Variants in CSMD3 observed in about 807,000 individuals in gnomAD.
CSMD3 encodes the protein CUB and sushi domain-containing protein 3.
In CSMD3, 177 loss-of-function variants were observed where a neutral mutation model predicts 435.2. The ratio of observed to expected loss-of-function variants is 0.41; its 90% CI spans 0.36 to 0.46. The LOEUF is 0.46. Ranked by LOEUF, CSMD3 falls within the 20% of genes least tolerant of loss-of-function variation. The probability of loss-of-function intolerance (pLI) is 0.34; values close to 1 mark genes in which losing one functional copy is unlikely to be tolerated. For synonymous variants in CSMD3, 1,656 were observed against 1,520.5 expected (o/e 1.09, Z -2.07); for missense variants, 4,265 against 4,504.6 (o/e 0.95, Z 1.52).
intron 3 of CSMD3, among the ~76,000 whole-genome samples, chr8:113,275,136 T>C (rs1429708460): frequency 6.6e-6 from 1 of 152,128 alleles, no homozygotes; most frequent in Non-Finnish European, 1.5e-5. Flanking sequence ...TGTTAGATCC[T>C]ATTCTAGGCA....
intron 10 of CSMD3, among the ~76,000 whole-genome samples, chr8:112,921,138 T>C (rs181748082): frequency 6.6e-6 from 1 of 151,840 alleles, no homozygotes; most frequent in African/African-American, 2.4e-5. Context: ...TTATATCTTA[T>C]TTGGAATTAT....
chr8:113,005,721 CATT>C (rs1381124670), intron 6 of CSMD3, among the ~76,000 whole-genome samples: 6 of 152,038 alleles, frequency 3.9e-5, no homozygotes, highest in Non-Finnish European at 5.9e-5. Context: ...CCAATTCATA[CATT>C]TAGATTATCA....
intron 33 of CSMD3, 33 bp from the exon 34 acceptor site, chr8:112,408,446 A>G: frequency 7.8e-7 from 1 of 1,280,942 alleles, no homozygotes; most frequent in Non-Finnish European, 1.1e-6. Context: ...AGATATCATA[A>G]ATAATTTTCA....
At chr8:112,585,645 T>A (rs917174917) in intron 23 of CSMD3, among the ~76,000 whole-genome samples, 4 of 151,632 alleles carry the variant, frequency 2.6e-5, no homozygotes, top group African/African-American at 9.7e-5. Flanking sequence ...ATTTTAAGCA[T>A]CACAAAGAAA....
At chr8:113,373,945 A>C (rs2133065470) in intron 1 of CSMD3, among the ~76,000 whole-genome samples, 1 of 152,274 alleles carries the variant, frequency 6.6e-6, no homozygotes, top group Non-Finnish European at 1.5e-5. Context: ...CTGTGAAGCC[A>C]CAATGGGAGT....
At chr8:113,126,604 G>A (rs186510618) in intron 4 of CSMD3, among the ~76,000 whole-genome samples, 8 of 152,008 alleles carry the variant, frequency 5.3e-5, no homozygotes, top group Non-Finnish European at 1.0e-4. Context: ...TACAATTTGA[G>A]ACAGATTGTC....
intron 2 of CSMD3, chr8:113,311,884 T>C (rs762276983): frequency 2.0e-5 from 3 of 152,140 alleles, no homozygotes; most frequent in Admixed American, 1.3e-4. Context: ...TGTTAGAATA[T>C]AGTCTTGTCA....
At chr8:113,173,317 G>A (rs1170084765) in intron 4 of CSMD3, among the ~76,000 whole-genome samples, 1 of 151,606 alleles carries the variant, frequency 6.6e-6, no homozygotes, top group East Asian at 1.9e-4. Context: ...TATCCTTTAG[G>A]TTTTTGTTTT....
intron 29 of CSMD3, among the ~76,000 whole-genome samples, chr8:112,505,354 C>T (rs1306410644): frequency 2.6e-5 from 4 of 152,106 alleles, no homozygotes; most frequent in Non-Finnish European, 5.9e-5. Context: ...GAAGATTAAA[C>T]TTTATTTCAT....
chr8:112,610,783 C>G (rs1042759575), intron 22 of CSMD3, among the ~76,000 whole-genome samples: 11 of 152,168 alleles, frequency 7.2e-5, no homozygotes, highest in African/African-American at 2.7e-4. Flanking sequence ...TGATTTTCAT[C>G]TCTTAGCTCT....
chr8:112,464,467 A>C (rs1817758810), intron 32 of CSMD3, among the ~76,000 whole-genome samples: 1 of 152,098 alleles, frequency 6.6e-6, no homozygotes, highest in African/African-American at 2.4e-5. Flanking sequence ...GAAGAAATTT[A>C]TTAATTATGA....
intron 4 of CSMD3, among the ~76,000 whole-genome samples, chr8:113,142,703 C>A (rs917532003): frequency 2.0e-5 from 3 of 150,596 alleles, no homozygotes; most frequent in African/African-American, 7.3e-5. Flanking sequence ...TAACTACGGT[C>A]AACAATAATT....
At chr8:113,392,500 C>T (rs1412152361) in intron 1 of CSMD3, among the ~76,000 whole-genome samples, 4 of 152,084 alleles carry the variant, frequency 2.6e-5, no homozygotes, top group Non-Finnish European at 5.9e-5. Flanking sequence ...ATATTCATTA[C>T]TATTATCTTC....
chr8:112,387,025 C>A (rs1051363783), intron 36 of CSMD3, among the ~76,000 whole-genome samples: 8 of 152,058 alleles, frequency 5.3e-5, no homozygotes, highest in African/African-American at 1.9e-4. Flanking sequence ...AACATATTTT[C>A]CCCCATGGCT....
intron 27 of CSMD3, among the ~76,000 whole-genome samples, chr8:112,545,482 C>CAAAAAAAAAAAAAAAAAAAAACAAAAA (rs71566032): frequency 3.7e-5 from 1 of 26,896 alleles, no homozygotes; most frequent in African/African-American, 1.5e-4. Context: ...GACTCCATCT[C>CAAAAAAAAAAAAAAAAAAAAACAAAAA]AAAAAAAAAA....
intron 27 of CSMD3, among the ~76,000 whole-genome samples, chr8:112,518,466 C>T (rs999068090): frequency 2.0e-5 from 3 of 152,136 alleles, no homozygotes; most frequent in South Asian, 4.1e-4. Context: ...CATGACTGTC[C>T]GTCTGCACTA....
chr8:112,269,434 G>A (rs551843239), intron 59 of CSMD3, among the ~76,000 whole-genome samples: 3 of 152,140 alleles, frequency 2.0e-5, no homozygotes, highest in Admixed American at 6.5e-5. Flanking sequence ...CCTTTTGGAC[G>A]CAGAAGTCCA....
chr8:113,173,841 C>T lies in CSMD3; in HGVS notation c.590G>A (p.Gly197Glu), dbSNP rs962355266. The change falls in exon 4 of 71, where the codon GGG becomes GAG. Residue 197 changes from glycine to glutamate, a missense_variant. By Grantham distance (98) the Gly-to-Glu change is moderately conservative (BLOSUM62 -2). Coordinates refer to ENST00000297405, the MANE Select transcript of CSMD3 (RefSeq NM_198123.2). ...GVLYGTRFDV[G>E]DKIRYSCVTG... ...TACACAGCTGTAGCGGATCTTGTCC[C>T]CGACGTCGAATCTTGTGCCATATAA... 1.2e-6 allele frequency: 2 copies of T among 1,613,812 alleles called. No homozygotes were observed. Among genetic ancestry groups the T allele is most frequent in the Non-Finnish European group, 1.7e-6 (2 of 1,179,846 alleles).
chr8:113,082,819 T>C (rs919284554), intron 5 of CSMD3, among the ~76,000 whole-genome samples: 4 of 152,010 alleles, frequency 2.6e-5, no homozygotes, highest in Non-Finnish European at 4.4e-5. Flanking sequence ...AAAAATACAA[T>C]TGAGTGTCAA....
Sources: gnomAD v4.1 joint callset for allele counts (sites outside exome capture counted in the v4.1 genomes callset) on GRCh38, gnomAD v4.1.1 for gene constraint, MANE v1.5 for transcripts, NCBI Gene and HGNC (gene_info 2026-07-23, HGNC 2026-07-21) for gene names.